Variants in CAST observed in about 807,000 individuals in gnomAD.
CAST encodes MIR583 host.
A neutral mutation model predicts 119.6 loss-of-function variants in CAST; 76 were observed. The ratio of observed to expected loss-of-function variants is 0.64; its 90% confidence interval spans 0.53 to 0.77. The LOEUF is 0.77. Ranked by LOEUF, CAST falls within the 30% of genes least tolerant of loss-of-function variation. CAST has a pLI of 0.00. For synonymous variants in CAST, 319 were observed against 331.6 expected, an observed-to-expected ratio of 0.96 and a Z score of 0.41; for missense variants, 953 against 946.5, an observed-to-expected ratio of 1.01 and a Z score of -0.09.
the CAST span, among the ~76,000 whole-genome samples, chr5:96,038,268 G>T: frequency 1.3e-5 from 2 of 151,986 alleles, no homozygotes; most frequent in Non-Finnish European, 2.9e-5. Context: ...TCAAATAAAT[G>T]AATAAATAAA....
chr5:96,351,653 T>A, the CAST span, among the ~76,000 whole-genome samples: 1 of 152,270 alleles, frequency 6.6e-6, no homozygotes, highest in African/African-American at 2.4e-5. Context: ...GAGTCATTTT[T>A]ACAAGAAAGA....
chr5:96,267,859 T>C, the CAST span, among the ~76,000 whole-genome samples: 18 of 152,180 alleles, frequency 1.2e-4, no homozygotes, highest in East Asian at 7.7e-4. Flanking sequence ...ATAATGGCTA[T>C]AGAAATCTCA....
the CAST span, among the ~76,000 whole-genome samples, chr5:96,201,178 T>G: frequency 6.6e-6 from 1 of 152,150 alleles, no homozygotes; most frequent in Non-Finnish European, 1.5e-5. Flanking sequence ...TTTTAAAAGC[T>G]TTATGAGATT....
intron 1 of CAST, among the ~76,000 whole-genome samples, chr5:96,546,769 G>T (rs962949499): frequency 2.6e-5 from 4 of 152,128 alleles, no homozygotes; most frequent in African/African-American, 9.7e-5. Context: ...AAGGCCCATC[G>T]AGTATTGTAC....
chr5:96,560,274 A>C (rs1195388940), intron 1 of CAST, among the ~76,000 whole-genome samples: 1 of 152,060 alleles, frequency 6.6e-6, no homozygotes, highest in Non-Finnish European at 1.5e-5. Context: ...CCTAGGCAAT[A>C]CCGTTCAGGA....
the CAST span, among the ~76,000 whole-genome samples, chr5:95,972,717 C>A: frequency 6.6e-6 from 1 of 152,052 alleles, no homozygotes; most frequent in East Asian, 1.9e-4. Context: ...TTGATGAAGT[C>A]CAGTTTATCA....
the CAST span, among the ~76,000 whole-genome samples, chr5:96,477,521 C>T: frequency 1.3e-5 from 2 of 152,212 alleles, no homozygotes; most frequent in Non-Finnish European, 2.9e-5. Flanking sequence ...AGCAATTACT[C>T]TTACCACAGT....
At chr5:95,992,558 C>G in the CAST span, among the ~76,000 whole-genome samples, 2,633 of 152,192 alleles carry the variant, frequency 0.017, 70 homozygotes, top group African/African-American at 0.06. Context: ...AGGCTGAGAA[C>G]TGACACAGAC....
At chr5:96,102,817 T>A in the CAST span, among the ~76,000 whole-genome samples, 1 of 151,616 alleles carries the variant, frequency 6.6e-6, no homozygotes. Context: ...AGTTTAAACC[T>A]TTTCCTAATC....
At chr5:96,154,301 CA>C in the CAST span, among the ~76,000 whole-genome samples, 1 of 147,888 alleles carries the variant, frequency 6.8e-6, no homozygotes, top group Admixed American at 6.7e-5. Context: ...AAAAAAAAAA[CA>C]AAAAAAAACA....
At chr5:96,150,918 A>G in the CAST span, among the ~76,000 whole-genome samples, 1 of 152,334 alleles carries the variant, frequency 6.6e-6, no homozygotes, top group African/African-American at 2.4e-5. Flanking sequence ...AGACAGACCT[A>G]TATTCCCCTC....
At chr5:96,450,728 A>G in the CAST span, among the ~76,000 whole-genome samples, 1 of 152,186 alleles carries the variant, frequency 6.6e-6, no homozygotes, top group Non-Finnish European at 1.5e-5. Context: ...TGAGAAGTTC[A>G]TGACTATCTT....
At chr5:96,104,666 T>C in the CAST span, among the ~76,000 whole-genome samples, 6 of 150,404 alleles carry the variant, frequency 4.0e-5, no homozygotes, top group Non-Finnish European at 8.9e-5. Context: ...AGTCAGGTAG[T>C]GTGATGCCTC....
chr5:96,742,840 C>G, intron 16 of CAST, 84 bp downstream of exon 16: 1 of 947,938 alleles, frequency 1.1e-6, no homozygotes, highest in South Asian at 1.4e-5. Flanking sequence ...AGAATTCTCG[C>G]ACAACTTTTA....
At chr5:96,347,511 G>T in the CAST span, among the ~76,000 whole-genome samples, 1 of 152,090 alleles carries the variant, frequency 6.6e-6, no homozygotes, top group African/African-American at 2.4e-5. Context: ...ATACCAAGCT[G>T]GTCTATCTGT....
the CAST span, among the ~76,000 whole-genome samples, chr5:96,114,517 CAA>C: frequency 6.6e-6 from 1 of 152,120 alleles, no homozygotes; most frequent in Non-Finnish European, 1.5e-5. Context: ...GTTTACGGGT[CAA>C]AGAGGTTCTG....
the CAST span, among the ~76,000 whole-genome samples, chr5:96,276,277 A>C: frequency 1.3e-5 from 2 of 152,318 alleles, no homozygotes; most frequent in South Asian, 4.1e-4. Context: ...CCATAGTAAA[A>C]ATGTACAATA....
At chr5:96,750,211 T>A (rs1481160519) in intron 19 of CAST, among the ~76,000 whole-genome samples, 1 of 152,200 alleles carries the variant, frequency 6.6e-6, no homozygotes, top group Non-Finnish European at 1.5e-5. Context: ...ATAATAGCAA[T>A]AATTGCTCAA....
chr5:96,696,004 A>G, intron 3 of CAST, 97 bp downstream of exon 3: 1 of 649,100 alleles, frequency 1.5e-6, no homozygotes, highest in South Asian at 2.3e-5. Context: ...GTGTCCAGAT[A>G]TCACTGAAGG....
Sources: gnomAD v4.1 joint callset for allele counts (sites outside exome capture counted in the v4.1 genomes callset) on GRCh38, gnomAD v4.1.1 for gene constraint, MANE v1.5 for transcripts, NCBI Gene and HGNC (gene_info 2026-07-23, HGNC 2026-07-21) for gene names.